Variants in GVQW3 observed in about 807,000 individuals in gnomAD.
GVQW3 encodes the protein GVQW motif containing 3.
In GVQW3, 7 loss-of-function variants were observed where a neutral mutation model predicts 12.5. The observed-to-expected ratio is 0.56, with a 90% CI of 0.32 to 1.05. The LOEUF is 1.05. Ranked by LOEUF, GVQW3 falls within the 50% of genes least tolerant of loss-of-function variation. GVQW3 has a pLI of 0.04. For synonymous variants in GVQW3, 71 were observed against 67.2 expected, an observed-to-expected ratio of 1.06 and a Z score of -0.28; for missense variants, 188 against 190.8, an observed-to-expected ratio of 0.99 and a Z score of 0.09.
intron 1 of GVQW3, chr11:76,383,779 A>C (rs2851482): frequency 0.76 from 102,478 of 135,542 alleles, 35,150 homozygotes; most frequent in East Asian, 0.83. Flanking sequence ...CTCTGTCCCA[A>C]AAAAAAAAAA....
chr11:76,390,299 GCTT>G (rs1458824823), intron 1 of GVQW3, among the ~76,000 whole-genome samples: 4 of 152,144 alleles, frequency 2.6e-5, no homozygotes, highest in Admixed American at 2.0e-4. Flanking sequence ...TTCAGTTCTG[GCTT>G]CTTAACTAGC....
chr11:76,382,310 C>T lies in GVQW3; in HGVS notation c.465+17C>T. Reference sequence around the variant, plus strand: ...AGGAAAAAGGTAACAGGTTCTGAAACATGGAGTTATCTCCAGGGTGAAGCT... The same window carrying T: ...AGGAAAAAGGTAACAGGTTCTGAAATATGGAGTTATCTCCAGGGTGAAGCT... On this transcript the variant is annotated intron_variant, in intron 1 of 1. Transcript: ENST00000529331. 1 of 1,444,254 alleles carries T rather than the reference C, an allele frequency of 6.9e-7. No individual in the cohort carries two copies. Among genetic ancestry groups the T allele is most frequent in the Non-Finnish European group, 9.4e-7 (1 of 1,063,368 alleles). 89.5% of individuals were successfully genotyped at this position (1,444,254 alleles called of 1,614,324 possible).
chr11:76,395,615 C>T (rs1276823150), intron 1 of GVQW3, among the ~76,000 whole-genome samples: 4 of 152,184 alleles, frequency 2.6e-5, no homozygotes, highest in Non-Finnish European at 5.9e-5. Context: ...TTCTGTCTAG[C>T]CCTGGTTCCT....
chr11:76,399,710 G>C (rs531359194), intron 1 of GVQW3, among the ~76,000 whole-genome samples: 56 of 152,166 alleles, frequency 3.7e-4, no homozygotes, highest in Non-Finnish European at 5.9e-4. Flanking sequence ...TGACTCTCCT[G>C]CAAGTAAGAG....
chr11:76,385,986 T>C (rs766336365), intron 1 of GVQW3, among the ~76,000 whole-genome samples: 171 of 152,248 alleles, frequency 1.1e-3, no homozygotes, highest in Admixed American at 8.7e-3. Context: ...CTAACCACAA[T>C]AGATCAAGCC....
intron 1 of GVQW3, among the ~76,000 whole-genome samples, chr11:76,385,779 G>A (rs547597354): frequency 2.0e-5 from 3 of 152,236 alleles, no homozygotes; most frequent in Middle Eastern, 3.4e-3. Context: ...ATTATGTGTT[G>A]ATTTTGTTTT....
downstream of GVQW3, chr11:76,408,758 G>T (rs887315278): frequency 1.3e-5 from 2 of 152,232 alleles, no homozygotes; most frequent in Non-Finnish European, 2.9e-5. Flanking sequence ...AGCAGTCTAT[G>T]ATTTACATTG....
At chr11:76,399,551 T>C (rs914640482) in intron 1 of GVQW3, among the ~76,000 whole-genome samples, 5 of 152,252 alleles carry the variant, frequency 3.3e-5, no homozygotes, top group African/African-American at 1.2e-4. Context: ...CCCACATGTT[T>C]GGTCACACAA....
rs968666385 is a variant in GVQW3 at position 76,404,072 on chromosome 11, A to C, written c.*314A>C. On this transcript the variant is annotated 3_prime_UTR_variant, in exon 2 of 2. Coordinates refer to ENST00000529331, the MANE Select transcript of GVQW3 (RefSeq NM_001347885.2). ...TTCCCATCTATCTCAGTACCCCATG[A>C]TCCAGTCAAGTGAACATATAAAATT... 2.0e-6 allele frequency: 1 copy of C among 501,458 alleles called. No homozygotes were observed. The highest frequency in any genetic ancestry group is 3.6e-6 in the Non-Finnish European group (1 of 277,644). The allele number at this position is 501,458 out of a possible 1,614,324, so 31.1% of individuals were successfully genotyped here. A position where few individuals can be genotyped will look rare whatever the true frequency, so the allele number is the denominator to read the frequency against.
chr11:76,396,563 C>T (rs536959930), intron 1 of GVQW3, among the ~76,000 whole-genome samples: 2 of 152,302 alleles, frequency 1.3e-5, no homozygotes, highest in East Asian at 1.9e-4. Flanking sequence ...AGTCATCCCA[C>T]CTTGGCCTCC....
At chr11:76,396,699 A>G (rs2134553275) in intron 1 of GVQW3, among the ~76,000 whole-genome samples, 1 of 152,274 alleles carries the variant, frequency 6.6e-6, no homozygotes, top group Admixed American at 6.5e-5. Context: ...CTCTCTTTTT[A>G]CTGAAATATA....
intron 1 of GVQW3, among the ~76,000 whole-genome samples, chr11:76,390,689 C>T (rs560834555): frequency 5.9e-5 from 9 of 152,132 alleles, no homozygotes; most frequent in South Asian, 4.1e-4. Context: ...TAGCCGGGCG[C>T]GGTGGCGGGC....
chr11:76,400,600 T>C (rs936226054), intron 1 of GVQW3, among the ~76,000 whole-genome samples: 1 of 151,356 alleles, frequency 6.6e-6, no homozygotes, highest in Non-Finnish European at 1.5e-5. Context: ...TTTGTATTTT[T>C]AGTAGAGCCG....
intron 1 of GVQW3, among the ~76,000 whole-genome samples, chr11:76,391,135 A>G (rs986172839): frequency 6.6e-6 from 1 of 152,216 alleles, no homozygotes; most frequent in Non-Finnish European, 1.5e-5. Flanking sequence ...CTTGCCAGTT[A>G]AGGCCTAAAC....
chr11:76,393,481 T>A (rs888407063), intron 1 of GVQW3, among the ~76,000 whole-genome samples: 1 of 152,208 alleles, frequency 6.6e-6, no homozygotes, highest in African/African-American at 2.4e-5. Context: ...CCTGTGCTAT[T>A]TGGCTTGGAG....
chr11:76,399,149 T>C (rs1565246227), intron 1 of GVQW3, among the ~76,000 whole-genome samples: 1 of 152,140 alleles, frequency 6.6e-6, no homozygotes, highest in Non-Finnish European at 1.5e-5. Flanking sequence ...TATTTTATTT[T>C]ATTTACTTGA....
At chr11:76,398,527 GA>G (rs1208214652) in intron 1 of GVQW3, among the ~76,000 whole-genome samples, 1 of 152,160 alleles carries the variant, frequency 6.6e-6, no homozygotes, top group Admixed American at 6.5e-5. Flanking sequence ...TGCCCAGGGT[GA>G]TCTCGAACTC....
intron 1 of GVQW3, among the ~76,000 whole-genome samples, chr11:76,391,012 A>G (rs558739298): frequency 6.6e-6 from 1 of 152,332 alleles, no homozygotes; most frequent in South Asian, 2.1e-4. Context: ...GGCATGGAGT[A>G]CGTGCCCAAT....
chr11:76,396,560 C>G (rs1325205410), intron 1 of GVQW3, among the ~76,000 whole-genome samples: 2 of 152,102 alleles, frequency 1.3e-5, no homozygotes, highest in Non-Finnish European at 1.5e-5. Flanking sequence ...AGCAGTCATC[C>G]CACCTTGGCC....
Sources: gnomAD v4.1 joint callset for allele counts (sites outside exome capture counted in the v4.1 genomes callset) on GRCh38, gnomAD v4.1.1 for gene constraint, MANE v1.5 for transcripts, NCBI Gene and HGNC (gene_info 2026-07-23, HGNC 2026-07-21) for gene names.